The following CLNK variants were observed in gnomAD, a reference collection of about 807,000 sequenced individuals.
CLNK encodes the protein cytokine-dependent hematopoietic cell linker.
CLNK carries 74 observed loss-of-function variants against 68.6 expected under a neutral mutation model. That is an observed-to-expected ratio of 1.08 (90% confidence interval 0.89 to 1.31). The LOEUF (loss-of-function observed/expected upper bound fraction) is 1.31, where lower values mean the gene tolerates loss of function less well. Ranked by LOEUF, CLNK falls within the 50% of genes most tolerant of loss-of-function variation. The probability of loss-of-function intolerance (pLI) is 0.00; values close to 1 mark genes in which losing one functional copy is unlikely to be tolerated. For synonymous variants in CLNK, 198 were observed against 172.2 expected (o/e 1.15, Z -1.17); for missense variants, 553 against 515.3 (o/e 1.07, Z -0.71).
At chr4:10,585,923 T>C (rs1038087634) in intron 3 of CLNK, among the ~76,000 whole-genome samples, 2 of 152,320 alleles carry the variant, frequency 1.3e-5, no homozygotes, top group Admixed American at 1.3e-4. Context: ...ACCAGTTTCC[T>C]GGTATTTCCA....
At chr4:10,643,576 C>T (rs943840033) in intron 2 of CLNK, among the ~76,000 whole-genome samples, 8 of 152,210 alleles carry the variant, frequency 5.3e-5, no homozygotes, top group Non-Finnish European at 7.3e-5. Context: ...TATGCAGCCA[C>T]GCTCAGGCGC....
At chr4:10,569,188 CTTTTT>C (rs57423330) in intron 5 of CLNK, among the ~76,000 whole-genome samples, 1 of 124,390 alleles carries the variant, frequency 8.0e-6, no homozygotes, top group East Asian at 2.3e-4. Context: ...CAAGACTGCC[CTTTTT>C]TTTTTTTTTT....
At chr4:10,490,691 C>A (rs531594235) in intron 18 of CLNK, 78 bp from the exon 19 acceptor site, 4 of 1,173,372 alleles carry the variant, frequency 3.4e-6, no homozygotes, top group African/African-American at 1.5e-5. Context: ...CAAGGTGCTT[C>A]ATTTTGCATG....
chr4:10,565,870 C>T, intron 6 of CLNK, 139 bp downstream of exon 6: 1 of 853,338 alleles, frequency 1.2e-6, no homozygotes, highest in Non-Finnish European at 1.7e-6. Context: ...GAGACTTTCT[C>T]AAGGTCACAC....
rs1016741500 is a variant in CLNK, at chr4:10,498,352, C to T, written c.1140+2904G>A. Among the ~76,000 whole-genome samples the T allele has an allele frequency of 3.3e-4, 50 of 151,838 alleles. 1 individual carries two copies. The East Asian group carries it at 7.8e-3, about 24-fold the overall frequency. On this transcript the variant is annotated intron_variant, in intron 18 of 18. Transcript: ENST00000226951. The stretch of plus-strand genomic sequence containing the variant: ...AAAAAATACAAAAAAATTAGCCGGG[C>T]GTGGTGGTGGGCGCCTGTAGTCCCC...
At chr4:10,660,307 A>C (rs756047646) in intron 2 of CLNK, among the ~76,000 whole-genome samples, 25 of 152,230 alleles carry the variant, frequency 1.6e-4, no homozygotes, top group Non-Finnish European at 4.4e-5. Flanking sequence ...TAAGGGATTG[A>C]AAGATTGCAT....
intron 2 of CLNK, among the ~76,000 whole-genome samples, chr4:10,663,226 C>T (rs1577205145): frequency 6.6e-6 from 1 of 152,168 alleles, no homozygotes; most frequent in African/African-American, 2.4e-5. Context: ...CTAATAGCAC[C>T]GAGGAATGAG....
chr4:10,495,843 A>G (rs912748517), intron 18 of CLNK, among the ~76,000 whole-genome samples: 18 of 151,956 alleles, frequency 1.2e-4, no homozygotes, highest in Non-Finnish European at 2.9e-5. Flanking sequence ...AGAGATGAGG[A>G]GAAGGTCACG....
At chr4:10,590,704 C>G (rs917225195) in intron 3 of CLNK, among the ~76,000 whole-genome samples, 3 of 152,142 alleles carry the variant, frequency 2.0e-5, no homozygotes, top group Non-Finnish European at 4.4e-5. Context: ...ACAATTTGTA[C>G]TTCTAAGAGT....
At chr4:10,712,041 G>T in the CLNK span, among the ~76,000 whole-genome samples, 1 of 152,200 alleles carries the variant, frequency 6.6e-6, no homozygotes, top group African/African-American at 2.4e-5. Context: ...AAAGTTCAAA[G>T]TAGGTGATCA....
chr4:10,713,052 G>C, the CLNK span, among the ~76,000 whole-genome samples: 1,052 of 152,308 alleles, frequency 6.9e-3, 4 homozygotes, highest in Non-Finnish European at 0.01. Context: ...AGATTTTAGA[G>C]ACGCCTTCCA....
intron 2 of CLNK, among the ~76,000 whole-genome samples, chr4:10,626,667 A>T (rs1228967287): frequency 6.6e-6 from 1 of 152,366 alleles, no homozygotes; most frequent in East Asian, 1.9e-4. Flanking sequence ...TTTGGTAAAA[A>T]ATACATGCAT....
At chr4:10,695,351 G>T in the CLNK span, among the ~76,000 whole-genome samples, 4 of 152,016 alleles carry the variant, frequency 2.6e-5, no homozygotes, top group South Asian at 6.2e-4. Flanking sequence ...TTATAATTTA[G>T]TTGACAATTA....
At chr4:10,586,406 C>A (rs550043088) in intron 3 of CLNK, among the ~76,000 whole-genome samples, 5 of 148,330 alleles carry the variant, frequency 3.4e-5, no homozygotes, top group African/African-American at 1.2e-4. Flanking sequence ...ATCTCTCCTC[C>A]CAGGTTCAAG....
intron 2 of CLNK, among the ~76,000 whole-genome samples, chr4:10,611,778 C>T (rs548173431): frequency 6.6e-6 from 1 of 152,262 alleles, no homozygotes; most frequent in African/African-American, 2.4e-5. Context: ...GCACCCTCTC[C>T]CCTTCCTTTC....
the CLNK span, among the ~76,000 whole-genome samples, chr4:10,713,728 A>C: frequency 6.6e-6 from 1 of 152,022 alleles, no homozygotes; most frequent in African/African-American, 2.4e-5. Flanking sequence ...AGTTCATGTG[A>C]AAGCGTGTTG....
rs760369011 is a variant in CLNK, at chr4:10,537,627, T to C, written c.602+2867A>G. Among the ~76,000 whole-genome samples the C allele has an allele frequency of 6.3e-3, 875 of 139,864 alleles. 16 individuals carry two copies. The highest frequency in any genetic ancestry group is 0.029 in the East Asian group (134 of 4,550). The allele number at this position is 139,864 out of a possible 152,430, so 91.8% of individuals were successfully genotyped here. The stretch of plus-strand genomic sequence containing the variant: ...TTTCTCCCTTTCTCTCTCTCTTTCT[T>C]TCTTTCTTTCTCTTTCTTTCTTTCT... On this transcript the variant is annotated intron_variant, in intron 11 of 18. Transcript: ENST00000226951.
chr4:10,694,021 C>G, the CLNK span, among the ~76,000 whole-genome samples: 5 of 152,010 alleles, frequency 3.3e-5, no homozygotes, highest in Admixed American at 6.6e-5. Flanking sequence ...AAAAGACTGT[C>G]GTATCTTCTG....
intron 1 of CLNK, among the ~76,000 whole-genome samples, chr4:10,680,839 G>C (rs922854386): frequency 2.0e-5 from 3 of 152,132 alleles, no homozygotes; most frequent in African/African-American, 7.2e-5. Flanking sequence ...ATGTCTCAAC[G>C]ACTGGATGGC....
Sources: gnomAD v4.1 joint callset for allele counts (sites outside exome capture counted in the v4.1 genomes callset) on GRCh38, gnomAD v4.1.1 for gene constraint, MANE v1.5 for transcripts, NCBI Gene and HGNC (gene_info 2026-07-23, HGNC 2026-07-21) for gene names.